The following FNDC3A variants were observed in gnomAD, a reference collection of about 807,000 sequenced individuals.
FNDC3A encodes the protein fibronectin type III domain containing 3A.
In FNDC3A, 32 loss-of-function variants were observed where a neutral mutation model predicts 148.9. That is an observed-to-expected ratio of 0.21 (90% confidence interval 0.16 to 0.29). FNDC3A has a LOEUF of 0.29. Among genes scored for constraint, FNDC3A ranks in the 10% least tolerant of loss-of-function variants. The pLI, the probability that FNDC3A is intolerant of heterozygous loss-of-function variation, is 1.00. For missense variants in FNDC3A, 1,191 were observed against 1,452.8 expected, an observed-to-expected ratio of 0.82 and a Z score of 2.93; for synonymous variants, 472 against 473.6, an observed-to-expected ratio of 1.00 and a Z score of 0.04.
chr13:49,017,503 ATGAGATGGGTTTCC>A (rs2137631074), intron 2 of FNDC3A, among the ~76,000 whole-genome samples: 1 of 152,220 alleles, frequency 6.6e-6, no homozygotes, highest in African/African-American at 2.4e-5. Flanking sequence ...GTCTCTGCAC[ATGAGATGGGTTTCC>A]TGAATACAGC....
chr13:48,991,601 T>C (rs1566177553), intron 1 of FNDC3A, among the ~76,000 whole-genome samples: 1 of 151,896 alleles, frequency 6.6e-6, no homozygotes, highest in South Asian at 2.1e-4. Context: ...GGTGGGAGGA[T>C]TGCTTGAACC....
At chr13:49,165,538 C>T (rs1593693160) in intron 8 of FNDC3A, among the ~76,000 whole-genome samples, 2 of 152,120 alleles carry the variant, frequency 1.3e-5, no homozygotes, top group African/African-American at 4.8e-5. Context: ...GTGGGCCTGT[C>T]CTCGGGCCTC....
intron 2 of FNDC3A, among the ~76,000 whole-genome samples, chr13:49,009,741 C>T (rs1159108292): frequency 6.6e-6 from 1 of 152,196 alleles, no homozygotes; most frequent in East Asian, 1.9e-4. Flanking sequence ...AAGAAGATTT[C>T]AGATGTTTTA....
chr13:49,076,380 G>T (rs1371450370), intron 3 of FNDC3A, among the ~76,000 whole-genome samples: 1 of 152,016 alleles, frequency 6.6e-6, no homozygotes, highest in Non-Finnish European at 1.5e-5. Context: ...AAGTGGCTGG[G>T]ATTACAGGTG....
chr13:49,052,555 A>G (rs771216893), intron 2 of FNDC3A, among the ~76,000 whole-genome samples: 2 of 152,200 alleles, frequency 1.3e-5, no homozygotes, highest in Admixed American at 1.3e-4. Context: ...TGTGGATACC[A>G]GCACCTGCTC....
At chr13:49,006,317 T>C (rs778746639) in intron 2 of FNDC3A, 28 bp downstream of exon 2, 2 of 1,299,644 alleles carry the variant, frequency 1.5e-6, no homozygotes, top group South Asian at 1.2e-5. Context: ...TTTATTTCTT[T>C]ATGTCTAATA....
At chr13:49,137,226 ATAGAG>A (rs1379852058) in intron 6 of FNDC3A, among the ~76,000 whole-genome samples, 1 of 152,126 alleles carries the variant, frequency 6.6e-6, no homozygotes, top group Admixed American at 6.5e-5. Flanking sequence ...TGTAATTAGG[ATAGAG>A]TATTTTTCAT....
chr13:49,145,655 G>A, intron 7 of FNDC3A, 123 bp from the exon 8 acceptor site: 1 of 747,120 alleles, frequency 1.3e-6, no homozygotes. Flanking sequence ...TTATATTTGT[G>A]AGCCATTTTA....
At chr13:49,195,291 AC>A (rs1886092686) in intron 19 of FNDC3A, among the ~76,000 whole-genome samples, 1 of 152,136 alleles carries the variant, frequency 6.6e-6, no homozygotes, top group Non-Finnish European at 1.5e-5. Flanking sequence ...TTGATTTTTT[AC>A]TTTTTTATAA....
intron 2 of FNDC3A, among the ~76,000 whole-genome samples, chr13:49,072,697 TG>T (rs1201404741): frequency 6.6e-6 from 1 of 152,144 alleles, no homozygotes; most frequent in Non-Finnish European, 1.5e-5. Context: ...TTGCCCAGGC[TG>T]GTCTCAAACT....
chr13:49,091,354 A>C (rs1879179383), intron 3 of FNDC3A, among the ~76,000 whole-genome samples: 1 of 152,238 alleles, frequency 6.6e-6, no homozygotes, highest in East Asian at 1.9e-4. Flanking sequence ...AAAAAAAAAA[A>C]AACAACTCCT....
At chr13:49,161,566 C>T (rs969632198) in intron 8 of FNDC3A, among the ~76,000 whole-genome samples, 1 of 152,062 alleles carries the variant, frequency 6.6e-6, no homozygotes, top group African/African-American at 2.4e-5. Flanking sequence ...TCCAGTTTGC[C>T]AGTCTGTGTT....
In FNDC3A at chr13:49,092,880, A is replaced by C. The variant is rs138222666; in HGVS notation, c.175+17516A>C. Among the ~76,000 whole-genome samples, 885 of 151,916 alleles carry C rather than the reference A, an allele frequency of 5.8e-3. 11 individuals are homozygous for C. The highest frequency in any genetic ancestry group is 0.02 in the African/African-American group (836 of 41,374). Reference sequence around the variant, plus strand: ...TATTTGTCTTTTTTTTCTGTCTCAGAGTCCATCTTTAATAATGTAATTAGG... The same window carrying C: ...TATTTGTCTTTTTTTTCTGTCTCAGCGTCCATCTTTAATAATGTAATTAGG... On this transcript the variant is annotated intron_variant, in intron 3 of 25. Transcript: ENST00000492622.
At chr13:49,028,023 A>C (rs1034094306) in intron 2 of FNDC3A, among the ~76,000 whole-genome samples, 2 of 151,736 alleles carry the variant, frequency 1.3e-5, no homozygotes, top group Non-Finnish European at 2.9e-5. Flanking sequence ...GACCAGCCTG[A>C]CTAACATGGC....
At chr13:49,034,939 G>A (rs1415561972) in intron 2 of FNDC3A, among the ~76,000 whole-genome samples, 1 of 151,916 alleles carries the variant, frequency 6.6e-6, no homozygotes, top group Non-Finnish European at 1.5e-5. Context: ...TTATCCCCTT[G>A]GGTAATCTTG....
At chr13:49,109,876 A>G (rs191757469) in intron 3 of FNDC3A, among the ~76,000 whole-genome samples, 67 of 152,308 alleles carry the variant, frequency 4.4e-4, no homozygotes, top group Middle Eastern at 3.4e-3. Flanking sequence ...TGTATTGTGG[A>G]TATTCCTTAA....
At chr13:49,030,139 A>AG (rs1370288676) in intron 2 of FNDC3A, among the ~76,000 whole-genome samples, 3 of 152,174 alleles carry the variant, frequency 2.0e-5, no homozygotes, top group African/African-American at 7.2e-5. Context: ...TCCTCAACAA[A>AG]GTACTAGCAA....
chr13:49,030,506 G>C (rs1448192098), intron 2 of FNDC3A, among the ~76,000 whole-genome samples: 1 of 152,162 alleles, frequency 6.6e-6, no homozygotes, highest in African/African-American at 2.4e-5. Flanking sequence ...CGTTGTACTG[G>C]AAGTCCTAGC....
At chr13:49,105,927 A>G (rs538019558) in intron 3 of FNDC3A, among the ~76,000 whole-genome samples, 3 of 152,324 alleles carry the variant, frequency 2.0e-5, no homozygotes, top group East Asian at 3.9e-4. Flanking sequence ...AAATCCAGCA[A>G]TGGCTCTTAT....
Sources: allele counts gnomAD v4.1 joint callset (sites outside exome capture counted in the v4.1 genomes callset), GRCh38; gene constraint gnomAD v4.1.1; transcripts MANE v1.5; gene names NCBI Gene and HGNC (gene_info 2026-07-23, HGNC 2026-07-21).